The following PPM1L variants were observed in gnomAD, a reference collection of about 807,000 sequenced individuals.
PPM1L encodes the protein protein phosphatase 1L.
In PPM1L, 13 loss-of-function variants were observed where a neutral mutation model predicts 31.4. That is an observed-to-expected ratio of 0.41 (90% CI 0.27 to 0.66). The LOEUF (loss-of-function observed/expected upper bound fraction) is 0.66, where lower values mean the gene tolerates loss of function less well. Among genes scored for constraint, PPM1L ranks in the 30% least tolerant of loss-of-function variants. The pLI is 0.29. For missense variants in PPM1L, 326 were observed against 453.7 expected (o/e 0.72, Z 2.56); for synonymous variants, 184 against 175.4 (o/e 1.05, Z -0.39).
At chr3:160,846,815 T>A (rs1158370161) in intron 1 of PPM1L, among the ~76,000 whole-genome samples, 3 of 152,172 alleles carry the variant, frequency 2.0e-5, no homozygotes, top group Non-Finnish European at 2.9e-5. Flanking sequence ...GTTGTGCAAC[T>A]GTTACCCCTA....
chr3:160,850,189 T>C (rs1380643576), intron 1 of PPM1L, among the ~76,000 whole-genome samples: 1 of 152,186 alleles, frequency 6.6e-6, no homozygotes, highest in Non-Finnish European at 1.5e-5. Flanking sequence ...GGAAACACTT[T>C]ACTTATGTTT....
chr3:161,068,833 C>T lies in PPM1L; in HGVS notation c.759C>T (p.Gly253=), dbSNP rs755980834. The T allele has an allele frequency of 1.5e-5, 24 of 1,613,020 alleles. No homozygotes were observed. The highest frequency in any genetic ancestry group is 1.2e-4 in the Admixed American group (7 of 59,944). ...KRAGGFISFN[G]SWRVQGILAM... is the part of the protein sequence containing the mutation. The stretch of plus-strand genomic sequence containing the variant: ...TAGGTGGTTTCATCAGTTTCAATGG[C>T]TCCTGGAGGGTCCAGGGAATCCTGG... Residue 253 remains glycine, a synonymous_variant, in exon 4 of 4, where the codon GGC becomes GGT. Coordinates refer to ENST00000498165, the MANE Select transcript of PPM1L (RefSeq NM_139245.4).
chr3:160,961,655 C>CT, intron 1 of PPM1L, 81 bp from the exon 2 acceptor site: 2 of 1,275,478 alleles, frequency 1.6e-6, no homozygotes, highest in South Asian at 3.3e-5. Flanking sequence ...TGAGCTTTCT[C>CT]TATAGCACCT....
At chr3:160,806,906 GAA>G (rs1301626079) in intron 1 of PPM1L, among the ~76,000 whole-genome samples, 1 of 145,990 alleles carries the variant, frequency 6.8e-6, no homozygotes, top group Non-Finnish European at 1.5e-5. Flanking sequence ...GAGAGAGAAA[GAA>G]AGAGAAGGAA....
rs772856556 is a variant in PPM1L, at chr3:160,814,541, G to GTA, written c.399+57841_399+57842dup. 1.1e-3 allele frequency among the ~76,000 whole-genome samples: 123 copies of GTA among 114,094 alleles called. 1 individual carries two copies. Among genetic ancestry groups the GTA allele is most frequent in the African/African-American group, 2.2e-3 (69 of 31,346 alleles). 74.9% of individuals were successfully genotyped at this position (114,094 alleles called of 152,430 possible). ...TATACACACACATATGTATGTATGT[G>GTA]TATATATACACACACACATATGTAT... On this transcript the variant is annotated intron_variant, in intron 1 of 3. Coordinates refer to ENST00000498165, the MANE Select transcript of PPM1L (RefSeq NM_139245.4).
chr3:160,783,460 C>T (rs917163885), intron 1 of PPM1L, among the ~76,000 whole-genome samples: 1 of 151,636 alleles, frequency 6.6e-6, no homozygotes, highest in African/African-American at 2.4e-5. Flanking sequence ...ATTAGCCGGG[C>T]GTGGTGGCGG....
chr3:161,025,383 G>T (rs1004553973), intron 2 of PPM1L, among the ~76,000 whole-genome samples: 5 of 151,992 alleles, frequency 3.3e-5, no homozygotes, highest in African/African-American at 1.2e-4. Context: ...GGAAAACATA[G>T]TAAGAATCCA....
intron 1 of PPM1L, among the ~76,000 whole-genome samples, chr3:160,806,476 T>C (rs1439032625): frequency 6.6e-6 from 1 of 152,210 alleles, no homozygotes; most frequent in Non-Finnish European, 1.5e-5. Context: ...TGCTACACTT[T>C]TCTGTTTATT....
intron 2 of PPM1L, among the ~76,000 whole-genome samples, chr3:161,039,428 C>T (rs6764625): frequency 0.014 from 2,068 of 152,178 alleles, 56 homozygotes; most frequent in African/African-American, 0.047. Context: ...AAGGAGGGGG[C>T]GTGTATTTTT....
intron 1 of PPM1L, among the ~76,000 whole-genome samples, chr3:160,952,329 T>G (rs1559900855): frequency 6.6e-6 from 1 of 152,242 alleles, no homozygotes; most frequent in Non-Finnish European, 1.5e-5. Flanking sequence ...GTCTGTGTGC[T>G]GGCTGCTGCC....
intron 1 of PPM1L, among the ~76,000 whole-genome samples, chr3:160,832,942 C>G (rs773334535): frequency 8.5e-5 from 13 of 152,066 alleles, no homozygotes; most frequent in Non-Finnish European, 1.9e-4. Flanking sequence ...ATGACAGGCC[C>G]CAGTGTGTGT....
chr3:161,058,118 C>CTTT (rs1186931971), intron 2 of PPM1L, among the ~76,000 whole-genome samples: 14,994 of 54,590 alleles, frequency 0.27, 4,546 homozygotes, highest in East Asian at 0.52. Context: ...ATTTTCTTTC[C>CTTT]TTTTTTTTTT....
At chr3:160,978,184 A>G (rs1440266126) in intron 2 of PPM1L, among the ~76,000 whole-genome samples, 1 of 152,212 alleles carries the variant, frequency 6.6e-6, no homozygotes, top group Non-Finnish European at 1.5e-5. Flanking sequence ...ATCCCAGACC[A>G]TTTAGCTACC....
intron 2 of PPM1L, among the ~76,000 whole-genome samples, chr3:161,012,543 A>G (rs1717931350): frequency 6.6e-6 from 1 of 151,880 alleles, no homozygotes; most frequent in Non-Finnish European, 1.5e-5. Flanking sequence ...AAAATGAGTT[A>G]GGGAGGATTC....
chr3:160,797,004 T>G (rs539931695), intron 1 of PPM1L, among the ~76,000 whole-genome samples: 14 of 152,308 alleles, frequency 9.2e-5, no homozygotes, highest in African/African-American at 3.1e-4. Context: ...GCACTCCAAG[T>G]ACAGGTACAC....
At chr3:160,948,756 C>T (rs893460297) in intron 1 of PPM1L, among the ~76,000 whole-genome samples, 1 of 152,042 alleles carries the variant, frequency 6.6e-6, no homozygotes, top group African/African-American at 2.4e-5. Flanking sequence ...CATGTAGGAA[C>T]GTCATTGCAT....
intron 1 of PPM1L, among the ~76,000 whole-genome samples, chr3:160,862,350 TC>T (rs1322051308): frequency 4.6e-5 from 7 of 152,106 alleles, no homozygotes; most frequent in Admixed American, 1.3e-4. Flanking sequence ...CCTGGAAACT[TC>T]TGGGCTGTGC....
chr3:160,978,518 C>A (rs2108031827), intron 2 of PPM1L, among the ~76,000 whole-genome samples: 1 of 152,266 alleles, frequency 6.6e-6, no homozygotes, highest in South Asian at 2.1e-4. Context: ...ATGGTCATTT[C>A]TTGCATAACA....
At chr3:160,978,764 A>G (rs1716693506) in intron 2 of PPM1L, among the ~76,000 whole-genome samples, 2 of 152,138 alleles carry the variant, frequency 1.3e-5, no homozygotes, top group Admixed American at 1.3e-4. Flanking sequence ...CAGGAAGTTG[A>G]GGTTGCAGTG....
Sources: gnomAD v4.1 joint callset for allele counts (sites outside exome capture counted in the v4.1 genomes callset) on GRCh38, gnomAD v4.1.1 for gene constraint, MANE v1.5 for transcripts, NCBI Gene and HGNC (gene_info 2026-07-23, HGNC 2026-07-21) for gene names.